The following AKAP9 variants were observed in gnomAD, a reference collection of about 807,000 sequenced individuals.
AKAP9 encodes the protein A-kinase anchoring protein 9.
In AKAP9, 311 loss-of-function variants were observed where a neutral mutation model predicts 488.5. The observed-to-expected ratio is 0.64, with a 90% CI of 0.58 to 0.70. The LOEUF is 0.70. AKAP9 is among the 30% of genes least tolerant of loss of function. The probability of loss-of-function intolerance (pLI) is 0.00; values close to 1 mark genes in which losing one functional copy is unlikely to be tolerated. For synonymous variants in AKAP9, 1,462 were observed against 1,483.5 expected, an observed-to-expected ratio of 0.99 and a Z score of 0.33; for missense variants, 4,215 against 4,374.5, an observed-to-expected ratio of 0.96 and a Z score of 1.03.
chr7:92,079,008 A>T, intron 30 of AKAP9, 71 bp from the exon 31 acceptor site: 1 of 1,102,924 alleles, frequency 9.1e-7, no homozygotes, highest in East Asian at 2.6e-5. Flanking sequence ...GTACTGCCCT[A>T]AAATAAAGTA....
intron 3 of AKAP9, among the ~76,000 whole-genome samples, chr7:91,988,728 G>T (rs926951808): frequency 2.0e-5 from 3 of 152,072 alleles, no homozygotes; most frequent in Non-Finnish European, 4.4e-5. Context: ...AGAAAGTCCT[G>T]TTTACATACT....
rs1176473354 is a variant in AKAP9 at position 92,110,120 on chromosome 7, A to G, written c.11687-2A>G. On this transcript the variant is annotated splice_acceptor_variant, in intron 49 of 49. Transcript: ENST00000356239. LOFTEE classifies it high-confidence loss of function. ...GTTGAATTTCCTGTTTTTCTCTCAT[A>G]GGTTCAACTACTCAATTTCATGCTG... 3.8e-6 allele frequency: 6 copies of G among 1,599,500 alleles called. No homozygotes were observed. Among genetic ancestry groups the G allele is most frequent in the Admixed American group, 1.7e-5 (1 of 59,208 alleles).
rs752882509 is a variant in AKAP9 at position 92,097,034 on chromosome 7, A to G, written c.10075A>G (p.Ile3359Val). 2 of 1,614,232 alleles carry G rather than the reference A, an allele frequency of 1.2e-6. No homozygotes were observed. Among genetic ancestry groups the G allele is most frequent in the African/African-American group, 1.3e-5 (1 of 75,060 alleles). The change falls in exon 41 of 50, where the codon ATA becomes GTA. Residue 3359 changes from isoleucine (I) to valine (V), a missense_variant. Physicochemically the swap from Ile to Val is conservative, Grantham distance 29. Around this residue, in one of 5 missense-constraint regions of AKAP9, gnomAD observed 1,476 missense variants for 1,477.4 expected, o/e 1.00. Transcript: ENST00000356239. ...QKQLEEKHSRIVELLNETEKY... is the reference protein window; with the variant it reads ...QKQLEEKHSRVVELLNETEKY... ...ACAGCTAGAGGAAAAACACAGTCGCATAGTAGAATTGTTAAATGAGACTGA... is the reference window on the plus strand; with the variant it reads ...ACAGCTAGAGGAAAAACACAGTCGCGTAGTAGAATTGTTAAATGAGACTGA...
chr7:92,032,651 T>G (rs1417050300), intron 16 of AKAP9, among the ~76,000 whole-genome samples: 3 of 152,134 alleles, frequency 2.0e-5, no homozygotes, highest in South Asian at 2.1e-4. Context: ...AAAGGAAATA[T>G]ATAAGGAATT....
In AKAP9 at chr7:91,941,050, C is replaced by A; in HGVS notation, c.-50C>A. Reference sequence around the variant, plus strand: ...GTCCAAATCGACCTTTCCTTTCTATCCCCAACCACCCCTCAACCCCTGTTT... The same window carrying A: ...GTCCAAATCGACCTTTCCTTTCTATACCCAACCACCCCTCAACCCCTGTTT... On this transcript the variant is annotated 5_prime_UTR_variant, in exon 1 of 50. Coordinates refer to ENST00000356239, the MANE Select transcript of AKAP9 (RefSeq NM_005751.5). The A allele has an allele frequency of 6.4e-7, 1 of 1,570,812 alleles. No homozygotes were observed. Among genetic ancestry groups the A allele is most frequent in the Non-Finnish European group, 8.8e-7 (1 of 1,140,530 alleles).
intron 1 of AKAP9, among the ~76,000 whole-genome samples, chr7:91,964,560 G>A (rs1157585682): frequency 2.0e-5 from 3 of 151,890 alleles, no homozygotes; most frequent in African/African-American, 4.8e-5. Context: ...GTAATATATC[G>A]ATGTAACAAA....
chr7:92,059,757 G>T (rs1000339062), intron 22 of AKAP9, among the ~76,000 whole-genome samples: 4 of 151,608 alleles, frequency 2.6e-5, no homozygotes, highest in South Asian at 4.1e-4. Flanking sequence ...GATTGTGACT[G>T]TAAATTCCCA....
Position 92,102,845 on chromosome 7 carries a change from A to G in AKAP9, c.11330+19A>G, listed in dbSNP as rs771145923. 3.0e-5 allele frequency: 48 copies of G among 1,598,022 alleles called. No homozygotes were observed. Among genetic ancestry groups the G allele is most frequent in the Non-Finnish European group, 3.4e-5 (40 of 1,166,178 alleles). On this transcript the variant is annotated intron_variant, in intron 46 of 49. Coordinates refer to ENST00000356239, the MANE Select transcript of AKAP9 (RefSeq NM_005751.5). ...TTTCCAGGTAAAGACTTGAAGGAAA[A>G]TGCATTTTACTAGTAGACTCTCTAA... is the stretch of plus-strand genomic sequence containing the variant.
At chr7:91,965,245 A>G (rs1297956438) in intron 1 of AKAP9, among the ~76,000 whole-genome samples, 2 of 152,042 alleles carry the variant, frequency 1.3e-5, no homozygotes, top group Non-Finnish European at 2.9e-5. Flanking sequence ...CACTATTTGC[A>G]TCTACTTTTT....
In AKAP9 at chr7:92,068,771, A is replaced by G. The variant is rs370170944; in HGVS notation, c.6331-1259A>G. Among the ~76,000 whole-genome samples, 4 of 150,414 alleles carry G rather than the reference A, an allele frequency of 2.7e-5. 1 individual carries two copies. ...ACTGACTGCACATATCAGTGACTTTATTGCTATCATCCTTGAACCTGAAAT... is the reference window on the plus strand; with the variant it reads ...ACTGACTGCACATATCAGTGACTTTGTTGCTATCATCCTTGAACCTGAAAT... On this transcript the variant is annotated intron_variant, in intron 26 of 49. Transcript: ENST00000356239.
intron 16 of AKAP9, among the ~76,000 whole-genome samples, chr7:92,031,941 A>G (rs964732476): frequency 6.6e-6 from 1 of 152,224 alleles, no homozygotes; most frequent in Non-Finnish European, 1.5e-5. Context: ...TCCTCTGTAT[A>G]TATTATCTGT....
chr7:92,076,806 A>G (rs776522857), intron 28 of AKAP9, 49 bp from the exon 29 acceptor site: 2 of 1,144,194 alleles, frequency 1.7e-6, no homozygotes, highest in African/African-American at 3.2e-5. Flanking sequence ...TTATCTTGAT[A>G]AACGTTTGTA....
chr7:92,105,640 A>C lies in AKAP9; in HGVS notation c.11331-38A>C, dbSNP rs764725127. The C allele has an allele frequency of 2.1e-6, 3 of 1,422,686 alleles. No homozygotes were observed. In the South Asian group the frequency reaches 3.4e-5, roughly 16 times the overall value. The allele number at this position is 1,422,686 out of a possible 1,614,324, so 88.1% of individuals were successfully genotyped here. A position where few individuals can be genotyped will look rare whatever the true frequency, so the allele number is the denominator to read the frequency against. ...TGTAGGAAATGTATATACTGTTTAT[A>C]GATGGGCTGTGAAATTTTATCTTGG... is the stretch of plus-strand genomic sequence containing the variant. On this transcript the variant is annotated intron_variant, in intron 46 of 49. Transcript: ENST00000356239.
In AKAP9 at chr7:91,973,781, G is replaced by A. The variant is rs755408339; in HGVS notation, c.119G>A (p.Arg40Lys). Reference sequence around the variant, plus strand: ...CCTTCCAAGAAGCAGAAAAAAAAGAGAAAAACGTCAAGCAGTAAACATGAT... The same window carrying A: ...CCTTCCAAGAAGCAGAAAAAAAAGAAAAAAACGTCAAGCAGTAAACATGAT... ...QSPSKKQKKK[R>K]KTSSSKHDVS... is the part of the protein sequence containing the mutation. The change falls in exon 2 of 50, where the codon AGA (arginine) becomes AAA (lysine). Residue 40 changes from arginine to lysine, a missense_variant. Physicochemically the swap from Arg to Lys is conservative, Grantham distance 26 (BLOSUM62 2). This residue lies in a region of AKAP9 where 2,361 missense variants were observed against 2,430.0 expected (regional missense o/e 0.97). Coordinates refer to ENST00000356239, the MANE Select transcript of AKAP9 (RefSeq NM_005751.5). The A allele has an allele frequency of 1.7e-5, 28 of 1,613,972 alleles. No homozygotes were observed. The East Asian group carries it at 6.0e-4, about 35-fold the overall frequency.
At chr7:92,042,277 T>C (rs1328923392) in intron 19 of AKAP9, 91 bp downstream of exon 19, 1 of 1,537,490 alleles carries the variant, frequency 6.5e-7, no homozygotes, top group African/African-American at 1.4e-5. Flanking sequence ...TGTATTCTTT[T>C]ATAGGTACTG....
chr7:91,972,844 A>G (rs1318683462), intron 1 of AKAP9, among the ~76,000 whole-genome samples: 1 of 152,238 alleles, frequency 6.6e-6, no homozygotes, highest in Admixed American at 6.5e-5. Context: ...AAAAATCCTG[A>G]TGATGATATG....
intron 16 of AKAP9, among the ~76,000 whole-genome samples, chr7:92,037,960 AT>A (rs1163272385): frequency 6.6e-6 from 1 of 152,170 alleles, no homozygotes; most frequent in African/African-American, 2.4e-5. Context: ...TTGAAGAGGT[AT>A]TTACTATAGT....
At chr7:92,034,383 T>C (rs1029640318) in intron 16 of AKAP9, among the ~76,000 whole-genome samples, 6 of 151,532 alleles carry the variant, frequency 4.0e-5, no homozygotes, top group Non-Finnish European at 7.4e-5. Flanking sequence ...TTTCTGCAGA[T>C]GTAACTGGAT....
chr7:92,052,609 T>C (rs1406130089), intron 21 of AKAP9, 117 bp from the exon 22 acceptor site: 2 of 682,562 alleles, frequency 2.9e-6, no homozygotes, highest in Admixed American at 2.8e-5. Context: ...GTTGCAATAT[T>C]GTTTTAAAAG....
Sources: gnomAD v4.1 joint callset for allele counts (sites outside exome capture counted in the v4.1 genomes callset) on GRCh38, gnomAD v4.1.1 for gene constraint, gnomAD v4.1.1 regional missense constraint, MANE v1.5 for transcripts, NCBI Gene and HGNC (gene_info 2026-07-23, HGNC 2026-07-21) for gene names.